The following PUM2 variants were observed in gnomAD, a reference collection of about 807,000 sequenced individuals.
PUM2 encodes the protein pumilio RNA binding family member 2, also known as pumilio homolog 2.
A neutral mutation model predicts 124.5 loss-of-function variants in PUM2; 57 were observed. The ratio of observed to expected loss-of-function variants is 0.46; its 90% CI spans 0.37 to 0.57. PUM2 has a LOEUF of 0.57. Ranked by LOEUF, PUM2 falls within the 20% of genes least tolerant of loss-of-function variation. The pLI is 0.00. For missense variants in PUM2, 1,065 were observed against 1,290.6 expected (o/e 0.83, Z 2.68); for synonymous variants, 460 against 446.1 (o/e 1.03, Z -0.39).
At chr2:20,282,277 T>C (rs1236605209) in intron 12 of PUM2, among the ~76,000 whole-genome samples, 2 of 152,168 alleles carry the variant, frequency 1.3e-5, no homozygotes, top group African/African-American at 2.4e-5. Flanking sequence ...TTTGAGTGGG[T>C]CAATTATTTA....
At chr2:20,258,857 C>T (rs1001821553) in intron 15 of PUM2, among the ~76,000 whole-genome samples, 9 of 150,602 alleles carry the variant, frequency 6.0e-5, no homozygotes, top group Admixed American at 2.0e-4. Flanking sequence ...TTAGTAGAGA[C>T]GGGGTTTCAC....
At chr2:20,330,059 GA>G (rs1684577968) in intron 1 of PUM2, among the ~76,000 whole-genome samples, 1 of 151,372 alleles carries the variant, frequency 6.6e-6, no homozygotes, top group African/African-American at 2.4e-5. Context: ...AAATCAAAGA[GA>G]AAAAGTCCTG....
At chr2:20,338,359 T>C (rs1455605089) in intron 1 of PUM2, among the ~76,000 whole-genome samples, 1 of 152,100 alleles carries the variant, frequency 6.6e-6, no homozygotes, top group Non-Finnish European at 1.5e-5. Context: ...ACTGCACCAC[T>C]GCACTCCAGC....
At chr2:20,278,203 G>A (rs893078221) in intron 13 of PUM2, among the ~76,000 whole-genome samples, 5 of 152,150 alleles carry the variant, frequency 3.3e-5, no homozygotes, top group Non-Finnish European at 7.4e-5. Flanking sequence ...ACCTAGTTCA[G>A]TAGCTATGTA....
chr2:20,264,977 G>A (rs1414959913), intron 13 of PUM2, among the ~76,000 whole-genome samples: 1 of 151,784 alleles, frequency 6.6e-6, no homozygotes, highest in East Asian at 1.9e-4. Context: ...TGAATCCCCA[G>A]CCCCATCTCC....
intron 1 of PUM2, among the ~76,000 whole-genome samples, chr2:20,335,220 C>T (rs1352284645): frequency 6.6e-6 from 1 of 152,222 alleles, no homozygotes; most frequent in Non-Finnish European, 1.5e-5. Context: ...CCACTGCACC[C>T]AGCTGGACTG....
At chr2:20,291,428 GTC>G (rs1558565144) in intron 9 of PUM2, among the ~76,000 whole-genome samples, 1 of 152,162 alleles carries the variant, frequency 6.6e-6, no homozygotes, top group Non-Finnish European at 1.5e-5. Flanking sequence ...CTCGCTCGGC[GTC>G]TCTATTCTGG....
In PUM2 at chr2:20,312,290, T is replaced by G. The variant is rs1679784983; in HGVS notation, c.294A>C (p.Val98=). 2 of 1,613,396 alleles carry G rather than the reference T, an allele frequency of 1.2e-6. No homozygotes were observed. Among genetic ancestry groups the G allele is most frequent in the Non-Finnish European group, 1.7e-6 (2 of 1,179,532 alleles). ...ATTTATCAGCAGGAGAAGAACTTAATACATATTCTACCATGCTCACACCAA... is the reference window on the plus strand; with the variant it reads ...ATTTATCAGCAGGAGAAGAACTTAAGACATATTCTACCATGCTCACACCAA... ...GGLGVSMVEY[V]LSSSPADKLD... Residue 98 remains valine, a synonymous_variant, in exon 4 of 21, where the codon GTA becomes GTC. Coordinates refer to ENST00000361078, the MANE Select transcript of PUM2 (RefSeq NM_015317.5).
intron 13 of PUM2, among the ~76,000 whole-genome samples, chr2:20,263,759 C>A (rs142035663): frequency 6.6e-6 from 1 of 152,136 alleles, no homozygotes; most frequent in African/African-American, 2.4e-5. Flanking sequence ...TGTCAGAACA[C>A]TGAAACTACC....
chr2:20,270,561 C>T (rs985260182), intron 13 of PUM2, among the ~76,000 whole-genome samples: 2 of 152,128 alleles, frequency 1.3e-5, no homozygotes, highest in African/African-American at 2.4e-5. Flanking sequence ...AACACACACA[C>T]ACACAAAACA....
chr2:20,314,011 C>T (rs1053755195), intron 3 of PUM2, among the ~76,000 whole-genome samples: 5 of 151,760 alleles, frequency 3.3e-5, no homozygotes, highest in Admixed American at 6.6e-5. Flanking sequence ...GACATGGTGA[C>T]GGGCACTTAT....
chr2:20,299,810 T>G (rs1676522906), intron 7 of PUM2, among the ~76,000 whole-genome samples: 1 of 152,260 alleles, frequency 6.6e-6, no homozygotes, highest in Non-Finnish European at 1.5e-5. Context: ...AATCTGCTTT[T>G]ATCTATGAAA....
intron 3 of PUM2, among the ~76,000 whole-genome samples, chr2:20,314,164 A>C (rs1680330959): frequency 6.6e-6 from 1 of 152,098 alleles, no homozygotes; most frequent in African/African-American, 2.4e-5. Flanking sequence ...AAATAAATTA[A>C]AATAACAATA....
intron 14 of PUM2, among the ~76,000 whole-genome samples, chr2:20,262,444 G>C (rs1241124928): frequency 1.3e-5 from 2 of 152,212 alleles, no homozygotes; most frequent in Non-Finnish European, 2.9e-5. Flanking sequence ...TGCAGCCTAG[G>C]CGCAATATAC....
rs763475993 is a variant in PUM2 at position 20,278,603 on chromosome 2, G to A, written c.1937C>T (p.Ser646Phe). The A allele has an allele frequency of 6.2e-7, 1 of 1,612,204 alleles. No homozygotes were observed. Among genetic ancestry groups the A allele is most frequent in the South Asian group, 1.1e-5 (1 of 91,016 alleles). Residue 646 changes from serine to phenylalanine, a missense_variant, in exon 13 of 21, where the codon TCC (serine) becomes TTC (phenylalanine). Around this residue, in one of 3 missense-constraint regions of PUM2, gnomAD observed 968 missense variants for 1,159.8 expected, o/e 0.83. Coordinates refer to ENST00000361078, the MANE Select transcript of PUM2 (RefSeq NM_015317.5). ...TTTACCTAAATGCAAACTGGATGAG[G>A]ATCCATGTGATGAAAGTGATGGCGG... ...TPPPSLSSHG[S>F]SSSLHLGGLT...
chr2:20,343,014 C>T (rs765575979), intron 1 of PUM2, among the ~76,000 whole-genome samples: 7 of 152,134 alleles, frequency 4.6e-5, no homozygotes, highest in Admixed American at 1.3e-4. Context: ...GGCTAGAGTG[C>T]GGTGGTGCCT....
chr2:20,336,786 G>C (rs906226402), intron 1 of PUM2, among the ~76,000 whole-genome samples: 1 of 141,932 alleles, frequency 7.0e-6, no homozygotes, highest in Non-Finnish European at 1.5e-5. Flanking sequence ...GTGTGTGTGT[G>C]TGTGTGTGTG....
chr2:20,342,807 T>C (rs1687482655), intron 1 of PUM2, among the ~76,000 whole-genome samples: 1 of 152,228 alleles, frequency 6.6e-6, no homozygotes, highest in African/African-American at 2.4e-5. Context: ...TTGAATTGGT[T>C]AACTTTAAAG....
intron 13 of PUM2, among the ~76,000 whole-genome samples, chr2:20,271,955 T>C (rs1329927094): frequency 1.3e-5 from 2 of 152,090 alleles, no homozygotes; most frequent in Non-Finnish European, 2.9e-5. Flanking sequence ...GGTCAGGAGT[T>C]CAAGACCAGC....
Sources: allele counts gnomAD v4.1 joint callset (sites outside exome capture counted in the v4.1 genomes callset), GRCh38; gene constraint gnomAD v4.1.1; regional missense constraint gnomAD v4.1.1; transcripts MANE v1.5; gene names NCBI Gene and HGNC (gene_info 2026-07-23, HGNC 2026-07-21).